Variants in SLC4A5 observed in about 807,000 individuals in gnomAD.
The protein encoded by SLC4A5 is electrogenic sodium bicarbonate cotransporter 4.
SLC4A5 carries 96 observed loss-of-function variants against 120.4 expected under a neutral mutation model. The observed-to-expected ratio is 0.80, with a 90% CI of 0.68 to 0.94. SLC4A5 has a LOEUF of 0.94. SLC4A5 is among the 40% of genes least tolerant of loss of function. The pLI is 0.00. For missense variants in SLC4A5, 1,259 were observed against 1,459.5 expected (o/e 0.86, Z 2.24); for synonymous variants, 550 against 571.1 (o/e 0.96, Z 0.53).
intron 6 of SLC4A5, among the ~76,000 whole-genome samples, chr2:74,312,435 G>A (rs1212600643): frequency 1.3e-5 from 2 of 151,942 alleles, no homozygotes; most frequent in Non-Finnish European, 2.9e-5. Context: ...TCACCATGTT[G>A]GCCAGGCTGG....
intron 5 of SLC4A5, among the ~76,000 whole-genome samples, chr2:74,327,901 A>G (rs1342798888): frequency 2.0e-5 from 3 of 152,234 alleles, no homozygotes. Flanking sequence ...TTTTGCACCC[A>G]AAAACCTCAA....
intron 5 of SLC4A5, among the ~76,000 whole-genome samples, chr2:74,324,544 G>T (rs991842604): frequency 6.6e-6 from 1 of 151,906 alleles, no homozygotes; most frequent in Non-Finnish European, 1.5e-5. Flanking sequence ...GCTGATCCAG[G>T]GACCACATTT....
At chr2:74,299,381 T>C (rs1672414808) in intron 7 of SLC4A5, among the ~76,000 whole-genome samples, 1 of 152,300 alleles carries the variant, frequency 6.6e-6, no homozygotes, top group South Asian at 2.1e-4. Flanking sequence ...TGAGACCTGA[T>C]GGTTTTATAA....
chr2:74,307,240 G>C (rs60566855), intron 6 of SLC4A5: 14,548 of 520,212 alleles, frequency 0.028, 1,739 homozygotes, highest in African/African-American at 0.25. Flanking sequence ...CTCTTCTGAG[G>C]CAGCTAATCA....
At chr2:74,233,145 T>C (rs892826146) in intron 23 of SLC4A5, among the ~76,000 whole-genome samples, 3 of 152,126 alleles carry the variant, frequency 2.0e-5, no homozygotes, top group African/African-American at 7.2e-5. Context: ...CGAGGTCACT[T>C]TGGGAAAGAC....
At chr2:74,277,957 G>T (rs958761796) in intron 8 of SLC4A5, among the ~76,000 whole-genome samples, 2 of 152,098 alleles carry the variant, frequency 1.3e-5, no homozygotes, top group African/African-American at 4.8e-5. Flanking sequence ...AAAAGTGGTG[G>T]AGATAGATAA....
chr2:74,292,118 C>A (rs1005878914), intron 7 of SLC4A5, among the ~76,000 whole-genome samples: 18 of 152,192 alleles, frequency 1.2e-4, no homozygotes, highest in African/African-American at 4.1e-4. Flanking sequence ...ATCACGCCCC[C>A]CTCACTGGAC....
chr2:74,262,313 A>G, intron 10 of SLC4A5, 81 bp from the exon 11 acceptor site: 5 of 1,039,230 alleles, frequency 4.8e-6, no homozygotes, highest in Non-Finnish European at 7.2e-6. Context: ...CACTTTAACT[A>G]AATAAAACTG....
rs10164562 is a variant in SLC4A5 at position 74,321,907 on chromosome 2, A to C, written c.-3+6213T>G. ...TAGTCATGTGACCCTATTCTAGCCA[A>C]TGAGATTTAGGTGGAAGTCCATTGG... On this transcript the variant is annotated intron_variant, in intron 5 of 30. Coordinates refer to ENST00000394019, the Ensembl canonical transcript of SLC4A5. Among the ~76,000 whole-genome samples the C allele has an allele frequency of 6.8e-3, 1,039 of 152,004 alleles. 9 individuals carry two copies. The highest frequency in any genetic ancestry group is 0.011 in the South Asian group (54 of 4,818).
intron 7 of SLC4A5, among the ~76,000 whole-genome samples, chr2:74,286,806 C>T (rs1057262695): frequency 2.0e-5 from 3 of 152,000 alleles, no homozygotes; most frequent in Non-Finnish European, 2.9e-5. Context: ...AAAATGAGAA[C>T]GAGCCACTCT....
At chr2:74,286,409 C>G (rs1671984656) in intron 7 of SLC4A5, among the ~76,000 whole-genome samples, 1 of 152,244 alleles carries the variant, frequency 6.6e-6, no homozygotes. Context: ...AGGCCCCAGC[C>G]TGCTTTCCAG....
intron 12 of SLC4A5, among the ~76,000 whole-genome samples, chr2:74,257,698 C>G (rs947668996): frequency 2.6e-5 from 4 of 151,500 alleles, no homozygotes; most frequent in African/African-American, 9.7e-5. Context: ...TCGTGCCTGT[C>G]TGGCACATGC....
chr2:74,246,255 C>T (rs772568380), intron 19 of SLC4A5, among the ~76,000 whole-genome samples: 15 of 152,192 alleles, frequency 9.9e-5, no homozygotes, highest in Non-Finnish European at 1.9e-4. Context: ...TTTACAATAT[C>T]CTTGGCAGAT....
rs147066344 is a variant in SLC4A5 at position 74,239,472 on chromosome 2, A to G, written c.2182T>C (p.Tyr728His). Reference sequence around the variant, plus strand: ...GAATTCCCAAGCAGGCGCCCGCCGTAGCTCAGACACTCCTTCTTGCTCAGC... The same window carrying G: ...GAATTCCCAAGCAGGCGCCCGCCGTGGCTCAGACACTCCTTCTTGCTCAGC... Residue 728 changes from tyrosine to histidine, a missense_variant, in exon 21 of 31, where the codon TAC becomes CAC. Coordinates refer to ENST00000394019, the Ensembl canonical transcript of SLC4A5. The G allele has an allele frequency of 1.6e-5, 26 of 1,614,078 alleles. 2 individuals carry two copies. Among genetic ancestry groups the G allele is most frequent in the Non-Finnish European group, 1.8e-5 (21 of 1,179,916 alleles).
At chr2:74,268,916 C>T (rs137950078) in intron 8 of SLC4A5, among the ~76,000 whole-genome samples, 8 of 152,256 alleles carry the variant, frequency 5.3e-5, no homozygotes, top group East Asian at 1.9e-4. Context: ...TCATTCCATA[C>T]ATTTATTTGA....
intron 13 of SLC4A5, 36 bp from the exon 14 acceptor site, chr2:74,254,742 A>G (rs1476625940): frequency 6.9e-7 from 1 of 1,447,854 alleles, no homozygotes; most frequent in Non-Finnish European, 9.7e-7. Flanking sequence ...AGAGAAGATT[A>G]AGGAAGAGGA....
At chr2:74,278,025 G>A (rs1671699929) in intron 8 of SLC4A5, among the ~76,000 whole-genome samples, 1 of 152,070 alleles carries the variant, frequency 6.6e-6, no homozygotes, top group South Asian at 2.1e-4. Flanking sequence ...TTTTGTGTTT[G>A]AAATTTTTCA....
chr2:74,309,249 T>C (rs1047233302), intron 6 of SLC4A5, among the ~76,000 whole-genome samples: 1 of 151,990 alleles, frequency 6.6e-6, no homozygotes, highest in African/African-American at 2.4e-5. Context: ...AACATATGAA[T>C]GTCCAGTTAT....
intron 8 of SLC4A5, among the ~76,000 whole-genome samples, chr2:74,283,817 T>A (rs896705868): frequency 2.0e-5 from 3 of 151,656 alleles, no homozygotes; most frequent in Non-Finnish European, 4.4e-5. Context: ...AGAGCTACAC[T>A]CGACCTGACA....
Sources: allele counts gnomAD v4.1 joint callset (sites outside exome capture counted in the v4.1 genomes callset), GRCh38; gene constraint gnomAD v4.1.1; transcripts MANE v1.5; gene names NCBI Gene and HGNC (gene_info 2026-07-23, HGNC 2026-07-21).